Variants in DTNA observed in about 807,000 individuals in gnomAD.
The protein encoded by DTNA is dystrobrevin alpha.
A neutral mutation model predicts 100.7 loss-of-function variants in DTNA; 43 were observed. That is an observed-to-expected ratio of 0.43 (90% CI 0.33 to 0.55). DTNA has a LOEUF of 0.55. Ranked by LOEUF, DTNA falls within the 20% of genes least tolerant of loss-of-function variation. The probability of loss-of-function intolerance (pLI) is 0.04; values close to 1 mark genes in which losing one functional copy is unlikely to be tolerated. For synonymous variants in DTNA, 349 were observed against 347.9 expected (o/e 1.00, Z -0.04); for missense variants, 798 against 953.9 (o/e 0.84, Z 2.15).
intron 1 of DTNA, among the ~76,000 whole-genome samples, chr18:34,569,550 CA>C (rs1489745314): frequency 6.6e-6 from 1 of 152,108 alleles, no homozygotes; most frequent in Non-Finnish European, 1.5e-5. Context: ...AACTCAAATG[CA>C]TACTGCATTA....
chr18:34,505,257 G>T (rs183403682), intron 1 of DTNA, among the ~76,000 whole-genome samples: 4 of 152,044 alleles, frequency 2.6e-5, no homozygotes, highest in African/African-American at 9.7e-5. Context: ...CTCTGTCATC[G>T]TATCTCCTAC....
At chr18:34,713,828 G>T (rs2083389835) in intron 1 of DTNA, among the ~76,000 whole-genome samples, 1 of 151,596 alleles carries the variant, frequency 6.6e-6, no homozygotes, top group Non-Finnish European at 1.5e-5. Flanking sequence ...CCTTGAAGAG[G>T]TCCTTCACAT....
intron 1 of DTNA, among the ~76,000 whole-genome samples, chr18:34,724,818 A>T (rs1206261945): frequency 6.6e-6 from 1 of 152,180 alleles, no homozygotes; most frequent in African/African-American, 2.4e-5. Flanking sequence ...GCATAACACT[A>T]CCTGACTTCA....
chr18:34,682,640 A>T (rs1245091186), intron 1 of DTNA, among the ~76,000 whole-genome samples: 3 of 152,076 alleles, frequency 2.0e-5, no homozygotes, highest in Non-Finnish European at 4.4e-5. Context: ...GTTACTTTCT[A>T]ACTTTGTATC....
At position 34,890,191 on chromosome 18, in the gene DTNA, A is replaced by G. The variant is rs2096957329; in HGVS notation, c.*2457A>G. ...GTCATAGCTATTTCATTGCCAACCA[A>G]CTCCATCACATGGTTGTTGATATCG... is the stretch of plus-strand genomic sequence containing the variant. On this transcript the variant is annotated 3_prime_UTR_variant, in exon 23 of 23. Transcript: ENST00000444659. 1 of 1,446,650 alleles carries G rather than the reference A, an allele frequency of 6.9e-7. No homozygotes were observed. Among genetic ancestry groups the G allele is most frequent in the Non-Finnish European group, 9.0e-7 (1 of 1,105,392 alleles). 89.6% of individuals were successfully genotyped at this position (1,446,650 alleles called of 1,614,324 possible). A position where few individuals can be genotyped will look rare whatever the true frequency, so the allele number is the denominator to read the frequency against.
chr18:34,650,533 C>T (rs180965297), intron 1 of DTNA, among the ~76,000 whole-genome samples: 4 of 152,210 alleles, frequency 2.6e-5, no homozygotes, highest in Admixed American at 6.5e-5. Context: ...TGTTAATCAT[C>T]GTTTGAATTT....
chr18:34,778,849 G>T (rs969449881), intron 3 of DTNA, among the ~76,000 whole-genome samples: 1 of 152,056 alleles, frequency 6.6e-6, no homozygotes, highest in African/African-American at 2.4e-5. Context: ...ACAGAGTCTT[G>T]CTCTGTAGCC....
intron 1 of DTNA, among the ~76,000 whole-genome samples, chr18:34,596,952 G>A (rs1369497858): frequency 2.6e-5 from 4 of 151,980 alleles, no homozygotes; most frequent in Admixed American, 6.6e-5. Flanking sequence ...TGCTGCACCC[G>A]TCAACCCGTC....
chr18:34,676,181 A>T (rs551247073), intron 1 of DTNA, among the ~76,000 whole-genome samples: 2 of 152,204 alleles, frequency 1.3e-5, no homozygotes, highest in Non-Finnish European at 2.9e-5. Flanking sequence ...GCCTCTGTTT[A>T]AATTGATATC....
chr18:34,869,521 T>C (rs2096742388), intron 17 of DTNA, among the ~76,000 whole-genome samples: 1 of 152,252 alleles, frequency 6.6e-6, no homozygotes, highest in Admixed American at 6.5e-5. Context: ...ACATTAGATA[T>C]GATCCTAGAT....
intron 1 of DTNA, among the ~76,000 whole-genome samples, chr18:34,695,515 A>G (rs2080404766): frequency 6.6e-6 from 1 of 152,148 alleles, no homozygotes; most frequent in African/African-American, 2.4e-5. Flanking sequence ...ACCAGTGGAG[A>G]CGGGTCAGAG....
chr18:34,694,109 G>C (rs1169080707), intron 1 of DTNA, among the ~76,000 whole-genome samples: 1 of 151,170 alleles, frequency 6.6e-6, no homozygotes, highest in Admixed American at 6.6e-5. Context: ...CTTTGAGTAA[G>C]ATAAATATAC....
chr18:34,698,216 A>G (rs1303113098), intron 1 of DTNA, among the ~76,000 whole-genome samples: 1 of 152,178 alleles, frequency 6.6e-6, no homozygotes, highest in Non-Finnish European at 1.5e-5. Context: ...GAGTGAAGAG[A>G]CTTTTCCCAG....
chr18:34,593,600 T>G (rs997340787), intron 1 of DTNA: 1 of 152,210 alleles, frequency 6.6e-6, no homozygotes, highest in Non-Finnish European at 1.5e-5. Flanking sequence ...TATTGAATTT[T>G]TCTTTTTATC....
chr18:34,657,402 G>A (rs570119968), intron 1 of DTNA, among the ~76,000 whole-genome samples: 10 of 152,212 alleles, frequency 6.6e-5, no homozygotes, highest in African/African-American at 2.4e-4. Flanking sequence ...AAAACAAAAT[G>A]TGTTATAAAT....
At position 34,889,834 on chromosome 18, in the gene DTNA, T is replaced by G. The variant is rs925168251; in HGVS notation, c.*2100T>G. 1.2e-5 allele frequency: 12 copies of G among 994,782 alleles called. No homozygotes were observed. The African/African-American group carries it at 2.1e-4, about 17-fold the overall frequency. The allele number at this position is 994,782 out of a possible 1,614,324, so 61.6% of individuals were successfully genotyped here. A position where few individuals can be genotyped will look rare whatever the true frequency, so the allele number is the denominator to read the frequency against. ...CACAACTGCACAGTTCTCAGATTTC[T>G]TTGCACAGATTGATTTTTATTGCGG... On this transcript the variant is annotated 3_prime_UTR_variant, in exon 23 of 23. Coordinates refer to ENST00000444659, the MANE Select transcript of DTNA (RefSeq NM_001386795.1).
intron 11 of DTNA, among the ~76,000 whole-genome samples, chr18:34,836,317 A>G (rs2096142619): frequency 6.6e-6 from 1 of 152,256 alleles, no homozygotes; most frequent in East Asian, 1.9e-4. Flanking sequence ...TGAGGTCATC[A>G]GGAAAGTAAA....
chr18:34,665,569 C>A (rs564306890), intron 1 of DTNA, among the ~76,000 whole-genome samples: 1 of 152,214 alleles, frequency 6.6e-6, no homozygotes, highest in East Asian at 1.9e-4. Flanking sequence ...GCTATCCCTC[C>A]CCACTCCCTC....
At chr18:34,591,590 G>A (rs186253753) in intron 1 of DTNA, among the ~76,000 whole-genome samples, 2 of 152,164 alleles carry the variant, frequency 1.3e-5, no homozygotes, top group Non-Finnish European at 2.9e-5. Flanking sequence ...GCGTGTTTTT[G>A]ACAGAGGGAT....
Sources: gnomAD v4.1 joint callset for allele counts (sites outside exome capture counted in the v4.1 genomes callset) on GRCh38, gnomAD v4.1.1 for gene constraint, MANE v1.5 for transcripts, NCBI Gene and HGNC (gene_info 2026-07-23, HGNC 2026-07-21) for gene names.